Variants in KIAA0319 observed in about 807,000 individuals in gnomAD.
KIAA0319 encodes dyslexia-associated protein KIAA0319.
In KIAA0319, 83 loss-of-function variants were observed where a neutral mutation model predicts 108.4. That is an observed-to-expected ratio of 0.77 (90% CI 0.64 to 0.92). The LOEUF is 0.92. Ranked by LOEUF, KIAA0319 falls within the 40% of genes least tolerant of loss-of-function variation. The pLI is 0.00. For synonymous variants in KIAA0319, 484 were observed against 510.4 expected (o/e 0.95, Z 0.70); for missense variants, 1,195 against 1,322.4 (o/e 0.90, Z 1.49).
At chr6:24,634,293 A>C (rs1388116577) in intron 1 of KIAA0319, among the ~76,000 whole-genome samples, 2 of 152,188 alleles carry the variant, frequency 1.3e-5, no homozygotes, top group Non-Finnish European at 2.9e-5. Context: ...ACCTCGAAAC[A>C]CACACTACCT....
At chr6:24,543,140 C>G (rs1235475054), downstream of KIAA0319, among the ~76,000 whole-genome samples, 6 of 152,172 alleles carry the variant, frequency 3.9e-5, no homozygotes, top group Non-Finnish European at 8.8e-5. Flanking sequence ...AACTTCTGTT[C>G]ACAGTTGCTA....
chr6:24,570,509 A>T (rs568161353), intron 11 of KIAA0319, among the ~76,000 whole-genome samples: 4 of 151,864 alleles, frequency 2.6e-5, no homozygotes, highest in Admixed American at 6.6e-5. Context: ...AATGGCATGA[A>T]CCCGGGAGGC....
intron 1 of KIAA0319, among the ~76,000 whole-genome samples, chr6:24,623,102 T>G (rs1045048670): frequency 6.6e-6 from 1 of 151,834 alleles, no homozygotes; most frequent in Non-Finnish European, 1.5e-5. Context: ...AGCTAAAAAT[T>G]AGCTAAGTCA....
At chr6:24,565,752 C>CAAAAAAAAAAAAAAA (rs71542686) in intron 14 of KIAA0319, among the ~76,000 whole-genome samples, 12 of 62,692 alleles carry the variant, frequency 1.9e-4, no homozygotes, top group African/African-American at 4.1e-4. Context: ...GACTCCATCT[C>CAAAAAAAAAAAAAAA]AAAAAAAAAA....
Position 24,578,112 on chromosome 6 carries a change from G to A in KIAA0319, c.1503C>T (p.Phe501=), listed in dbSNP as rs1456571438. ...LSNLDPGNYS[F]RLTVTDSDGA... ...AATAAAGGCAGGGACCCACTTGCCTGAAACTATAGTTACCAGGATCAAGGT... is the reference window on the plus strand; with the variant it reads ...AATAAAGGCAGGGACCCACTTGCCTAAAACTATAGTTACCAGGATCAAGGT... The change falls in exon 9 of 21, where the codon TTC becomes TTT. Residue 501 remains phenylalanine (F), a splice_region_variant and synonymous_variant. Coordinates refer to ENST00000378214, the MANE Select transcript of KIAA0319 (RefSeq NM_014809.4). 1 of 1,607,454 alleles carries A rather than the reference G, an allele frequency of 6.2e-7. No homozygotes were observed. The highest frequency in any genetic ancestry group is 1.3e-5 in the African/African-American group (1 of 74,656).
chr6:24,612,470 A>G (rs1033646063), intron 1 of KIAA0319, among the ~76,000 whole-genome samples: 1 of 152,184 alleles, frequency 6.6e-6, no homozygotes, highest in East Asian at 1.9e-4. Context: ...GAAAAAGAAA[A>G]GATGGAAAAA....
rs573968454 is a variant in KIAA0319 at position 24,601,041 on chromosome 6, T to C, written c.55+8A>G. The C allele has an allele frequency of 9.3e-6, 15 of 1,613,906 alleles. No individual in the cohort carries two copies. The highest frequency in any genetic ancestry group is 1.2e-5 in the Non-Finnish European group (14 of 1,179,920). Reference sequence around the variant, plus strand: ...AACACGGGTATCTCCAGGGTAGTAGTTCCCTACCTGCAATTGTCACCAGCA... The same window carrying C: ...AACACGGGTATCTCCAGGGTAGTAGCTCCCTACCTGCAATTGTCACCAGCA... On this transcript the variant is annotated splice_region_variant and intron_variant, in intron 2 of 20. Coordinates refer to ENST00000378214, the MANE Select transcript of KIAA0319 (RefSeq NM_014809.4).
intron 4 of KIAA0319, among the ~76,000 whole-genome samples, chr6:24,587,300 G>A (rs141476331): frequency 1.1e-4 from 16 of 151,384 alleles, no homozygotes; most frequent in South Asian, 2.1e-4. Flanking sequence ...GGTTTGAGAC[G>A]GAATCTCACT....
intron 5 of KIAA0319, chr6:24,583,334 G>C (rs1364732214): frequency 1.4e-6 from 1 of 723,426 alleles, no homozygotes; most frequent in African/African-American, 1.9e-5. Flanking sequence ...AGCCTCTCCT[G>C]ATCTGCTTTG....
intron 11 of KIAA0319, among the ~76,000 whole-genome samples, chr6:24,571,809 C>T (rs961091632): frequency 6.6e-6 from 1 of 152,224 alleles, no homozygotes; most frequent in Non-Finnish European, 1.5e-5. Context: ...CAACCTTGAG[C>T]TCATGTACGA....
At position 24,546,348 on chromosome 6, in the gene KIAA0319, C is replaced by A. The variant is rs534935269; in HGVS notation, c.*817G>T. The A allele has an allele frequency of 6.6e-6, 1 of 152,176 alleles. No individual in the cohort carries two copies. Among genetic ancestry groups the A allele is most frequent in the Admixed American group, 6.5e-5 (1 of 15,278 alleles). 9.4% of individuals were successfully genotyped at this position (152,176 alleles called of 1,614,324 possible). On this transcript the variant is annotated 3_prime_UTR_variant, in exon 21 of 21. Transcript: ENST00000378214. ...TAAATGCTTAATGAATTAATCACTTCTATTGCATTTAATGTAAACTGGGGA... is the reference window on the plus strand; with the variant it reads ...TAAATGCTTAATGAATTAATCACTTATATTGCATTTAATGTAAACTGGGGA...
intron 1 of KIAA0319, among the ~76,000 whole-genome samples, chr6:24,631,653 T>G (rs554588243): frequency 6.7e-6 from 1 of 149,138 alleles, no homozygotes; most frequent in African/African-American, 2.6e-5. Flanking sequence ...GCTTTAAATA[T>G]TCTCCCTAAT....
chr6:24,564,257 G>A lies in KIAA0319; in HGVS notation c.2376C>T (p.Val792=). 1.2e-6 allele frequency: 2 copies of A among 1,614,124 alleles called. No homozygotes were observed. Among genetic ancestry groups the A allele is most frequent in the Non-Finnish European group, 1.7e-6 (2 of 1,180,006 alleles). ...VEGVYTFHLR[V]TDSQGASDTD... ...TGTCCGAGGCCCCCTGACTGTCGGT[G>A]ACTCGCAAGTGGAAAGTGTACACCC... The change falls in exon 15 of 21, where the codon GTC becomes GTT. Residue 792 remains valine (V), a synonymous_variant. Transcript: ENST00000378214.
chr6:24,570,543 G>C (rs1457936690), intron 11 of KIAA0319, among the ~76,000 whole-genome samples: 6 of 150,526 alleles, frequency 4.0e-5, no homozygotes, highest in Non-Finnish European at 8.9e-5. Flanking sequence ...AGCCAAGATT[G>C]TGCCACTGCA....
intron 1 of KIAA0319, among the ~76,000 whole-genome samples, chr6:24,625,552 A>G (rs1459862848): frequency 6.6e-6 from 1 of 152,182 alleles, no homozygotes; most frequent in African/African-American, 2.4e-5. Flanking sequence ...ACTTCTATCC[A>G]ACATTGTACT....
At chr6:24,598,850 T>A (rs758276336) in intron 2 of KIAA0319, 1 of 290,698 alleles carries the variant, frequency 3.4e-6, no homozygotes, top group Non-Finnish European at 6.8e-6. Flanking sequence ...CACTCCAGCC[T>A]GGGTGACAGA....
chr6:24,629,963 G>A (rs1019563838), intron 1 of KIAA0319, among the ~76,000 whole-genome samples: 7 of 152,058 alleles, frequency 4.6e-5, no homozygotes, highest in African/African-American at 1.7e-4. Context: ...GAGGTGGGAG[G>A]CTCACCTGAG....
At chr6:24,613,141 C>T (rs974316169) in intron 1 of KIAA0319, among the ~76,000 whole-genome samples, 2 of 152,050 alleles carry the variant, frequency 1.3e-5, no homozygotes, top group Non-Finnish European at 2.9e-5. Context: ...ATTTAACATT[C>T]CTGCCTTTAC....
rs2127530799 is a variant in KIAA0319, at chr6:24,599,291, C to T, written c.55+1758G>A. 4 of 485,540 alleles carry T rather than the reference C, an allele frequency of 8.2e-6. No individual in the cohort carries two copies. The highest frequency in any genetic ancestry group is 1.5e-5 in the Non-Finnish European group (4 of 261,870). 30.1% of individuals were successfully genotyped at this position (485,540 alleles called of 1,614,324 possible). ...TGGAGATCTCTGAGATGAATCAGAACATCAGCCGGCTCCAGACTGAGACTG... is the reference window on the plus strand; with the variant it reads ...TGGAGATCTCTGAGATGAATCAGAATATCAGCCGGCTCCAGACTGAGACTG... On this transcript the variant is annotated intron_variant, in intron 2 of 20. Coordinates refer to ENST00000378214, the MANE Select transcript of KIAA0319 (RefSeq NM_014809.4). The surrounding 1 kb of genome is among the most constrained non-coding windows in gnomAD (Gnocchi z 4.1).
Sources: allele counts gnomAD v4.1 joint callset (sites outside exome capture counted in the v4.1 genomes callset), GRCh38; gene constraint gnomAD v4.1.1; non-coding constraint Gnocchi (gnomAD v3.1); transcripts MANE v1.5; gene names NCBI Gene and HGNC (gene_info 2026-07-23, HGNC 2026-07-21).